AXDND1: variants seen among roughly 807,000 people sequenced by gnomAD.
AXDND1 encodes the protein axonemal dynein light chain domain containing 1, also known as axonemal dynein light chain domain-containing protein 1.
A neutral mutation model predicts 137.5 loss-of-function variants in AXDND1; 110 were observed. The observed-to-expected ratio is 0.80, with a 90% CI of 0.69 to 0.94. The LOEUF is 0.94. AXDND1 is among the 40% of genes least tolerant of loss of function. The probability of loss-of-function intolerance (pLI) is 0.00; values close to 1 mark genes in which losing one functional copy is unlikely to be tolerated. For missense variants in AXDND1, 1,191 were observed against 1,169.8 expected (o/e 1.02, Z -0.26); for synonymous variants, 414 against 399.7 (o/e 1.04, Z -0.43).
intron 8 of AXDND1, among the ~76,000 whole-genome samples, 178 bp downstream of exon 8, chr1:179,383,722 A>G (rs1571573641): frequency 1.3e-5 from 2 of 152,164 alleles, no homozygotes; most frequent in African/African-American, 2.4e-5. Flanking sequence ...CACCTACCTC[A>G]TAGGGTTTTT....
At chr1:179,442,992 AG>A (rs1659219710) in intron 15 of AXDND1, among the ~76,000 whole-genome samples, 1 of 152,150 alleles carries the variant, frequency 6.6e-6, no homozygotes, top group Non-Finnish European at 1.5e-5. Context: ...ATAGCGAGAA[AG>A]GGGGGCGGTG....
intron 16 of AXDND1, among the ~76,000 whole-genome samples, chr1:179,459,041 C>G (rs1333335362): frequency 6.6e-6 from 1 of 151,888 alleles, no homozygotes; most frequent in Non-Finnish European, 1.5e-5. Flanking sequence ...GGTGAGGAGA[C>G]TGAATCAGAA....
In AXDND1 at chr1:179,411,142, A is replaced by G. The variant is rs760037411; in HGVS notation, c.1110-4A>G. On this transcript the variant is annotated splice_polypyrimidine_tract_variant and splice_region_variant and intron_variant, in intron 11 of 25. Transcript: ENST00000367618. ...ATGAAGCTGTTTCTTAATTGTTTTTATAGAATAGTAGAAGAATATCATGAC... is the reference window on the plus strand; with the variant it reads ...ATGAAGCTGTTTCTTAATTGTTTTTGTAGAATAGTAGAAGAATATCATGAC... The G allele has an allele frequency of 1.3e-6, 2 of 1,547,440 alleles. No individual in the cohort carries two copies. Among genetic ancestry groups the G allele is most frequent in the South Asian group, 2.5e-5 (2 of 81,180 alleles).
intron 25 of AXDND1, among the ~76,000 whole-genome samples, chr1:179,549,491 C>A (rs1672987695): frequency 6.6e-6 from 1 of 152,126 alleles, no homozygotes; most frequent in South Asian, 2.1e-4. Context: ...CATAGGCACT[C>A]CCCAGATATG....
intron 11 of AXDND1, among the ~76,000 whole-genome samples, chr1:179,402,164 C>CAA (rs552031518): frequency 0.014 from 1,470 of 107,388 alleles, 33 homozygotes; most frequent in Admixed American, 0.068. Context: ...GACTCCGTCT[C>CAA]AAAAAAAAAA....
At chr1:179,502,753 G>A (rs1668136079) in intron 20 of AXDND1, among the ~76,000 whole-genome samples, 1 of 151,714 alleles carries the variant, frequency 6.6e-6, no homozygotes, top group African/African-American at 2.4e-5. Flanking sequence ...TCATCTGTCA[G>A]TATACTAGAT....
At chr1:179,485,385 C>A (rs1665921980) in intron 18 of AXDND1, among the ~76,000 whole-genome samples, 1 of 152,172 alleles carries the variant, frequency 6.6e-6, no homozygotes, top group Admixed American at 6.5e-5. Flanking sequence ...GACCTGATAC[C>A]AGACCCTAGA....
At chr1:179,467,860 T>C (rs1032080008) in intron 16 of AXDND1, among the ~76,000 whole-genome samples, 2 of 152,196 alleles carry the variant, frequency 1.3e-5, no homozygotes, top group Non-Finnish European at 2.9e-5. Context: ...GGGAATGTTT[T>C]CATTTTGTAT....
At chr1:179,436,620 C>T (rs1271436747) in intron 15 of AXDND1, among the ~76,000 whole-genome samples, 3 of 152,148 alleles carry the variant, frequency 2.0e-5, no homozygotes, top group African/African-American at 7.2e-5. Flanking sequence ...TGTTCTCACT[C>T]ATAACTGGGA....
chr1:179,460,567 C>T (rs80182712), intron 16 of AXDND1, among the ~76,000 whole-genome samples: 25,536 of 152,092 alleles, frequency 0.17, 2,493 homozygotes, highest in East Asian at 0.35. Context: ...ATATACCCAG[C>T]AATGGAATGG....
intron 21 of AXDND1, among the ~76,000 whole-genome samples, chr1:179,510,957 T>C (rs1668986524): frequency 6.9e-6 from 1 of 144,350 alleles, no homozygotes. Flanking sequence ...CTTTGCATCC[T>C]CATAGCTTAG....
intron 15 of AXDND1, among the ~76,000 whole-genome samples, chr1:179,439,006 G>A (rs746555967): frequency 6.6e-6 from 1 of 152,072 alleles, no homozygotes; most frequent in South Asian, 2.1e-4. Flanking sequence ...ATTGGATCTC[G>A]GTGTTGTATA....
intron 16 of AXDND1, chr1:179,452,694 CAAAAAAAAAAAAA>C (rs56975419): frequency 1.5e-5 from 1 of 68,730 alleles, no homozygotes; most frequent in Non-Finnish European, 2.5e-5. Flanking sequence ...GACTCCGTCT[CAAAAAAAAAAAAA>C]AAAAAAAAAA....
chr1:179,391,146 C>G (rs1416332045), intron 9 of AXDND1, among the ~76,000 whole-genome samples: 2 of 150,214 alleles, frequency 1.3e-5, no homozygotes, highest in Non-Finnish European at 3.0e-5. Context: ...GTTCATCTCA[C>G]ATATCTTTTG....
chr1:179,390,837 G>A (rs1650052521), intron 9 of AXDND1, among the ~76,000 whole-genome samples: 1 of 151,412 alleles, frequency 6.6e-6, no homozygotes, highest in African/African-American at 2.4e-5. Flanking sequence ...ATGGAGTTTC[G>A]ATCTTGTTGC....
rs771208639 is a variant in AXDND1, at chr1:179,378,655, C to T, written c.393C>T (p.Tyr131=). The T allele has an allele frequency of 2.7e-5, 43 of 1,583,442 alleles. No homozygotes were observed. The African/African-American group carries it at 3.6e-4, about 13-fold the overall frequency. ...TTTTTAGGGATATTTCTTTTCTGTA[C>T]GATGTAACATATGCCAAAGGACAGA... is the stretch of plus-strand genomic sequence containing the variant. ...TGAGRDISFL[Y]DVTYAKGQTR... The change falls in exon 5 of 26, where the codon TAC becomes TAT. Residue 131 remains tyrosine (Y), a synonymous_variant. Transcript: ENST00000367618.
Position 179,498,576 on chromosome 1 carries a change from T to A in AXDND1, c.2388+5625T>A, listed in dbSNP as rs541142414. On this transcript the variant is annotated intron_variant, in intron 20 of 25. Transcript: ENST00000367618. ...AAAGCAGTAGCAACAAAAACAAAAA[T>A]AGACAAGTGGGTCCTAATTAAAGAA... Among the ~76,000 whole-genome samples, 14 of 152,048 alleles carry A rather than the reference T, an allele frequency of 9.2e-5. No homozygotes were observed. In the South Asian group the frequency reaches 2.9e-3, roughly 32 times the overall value.
intron 17 of AXDND1, among the ~76,000 whole-genome samples, chr1:179,476,384 G>A (rs898639366): frequency 1.3e-5 from 2 of 152,094 alleles, no homozygotes; most frequent in African/African-American, 4.8e-5. Flanking sequence ...TCTTTAGTCA[G>A]TTAAGAAATA....
chr1:179,466,860 C>T (rs578251877), intron 16 of AXDND1, among the ~76,000 whole-genome samples: 56 of 152,224 alleles, frequency 3.7e-4, no homozygotes, highest in Admixed American at 1.0e-3. Flanking sequence ...AGTGCAGGCA[C>T]GGATCACCTT....
Sources: gnomAD v4.1 joint callset for allele counts (sites outside exome capture counted in the v4.1 genomes callset) on GRCh38, gnomAD v4.1.1 for gene constraint, MANE v1.5 for transcripts, NCBI Gene and HGNC (gene_info 2026-07-23, HGNC 2026-07-21) for gene names.